AFG2A: variants seen among roughly 807,000 people sequenced by gnomAD.
AFG2A encodes the protein ATPase family gene 2 protein homolog A.
the AFG2A span, among the ~76,000 whole-genome samples, chr4:122,955,188 C>T: frequency 6.6e-6 from 1 of 152,186 alleles, no homozygotes; most frequent in Non-Finnish European, 1.5e-5. Context: ...GACAGGAGAA[C>T]CTCAACTGCT....
chr4:123,207,610 C>T, the AFG2A span, among the ~76,000 whole-genome samples: 1 of 152,102 alleles, frequency 6.6e-6, no homozygotes, highest in Admixed American at 6.5e-5. Context: ...AGCCACCACG[C>T]CTAGCCCAGT....
the AFG2A span, among the ~76,000 whole-genome samples, chr4:122,964,474 A>C: frequency 6.7e-6 from 1 of 149,944 alleles, no homozygotes; most frequent in Non-Finnish European, 1.5e-5. Flanking sequence ...ACTGCACTTC[A>C]GCCTGGGCAA....
the AFG2A span, among the ~76,000 whole-genome samples, chr4:122,978,882 G>A: frequency 6.6e-6 from 1 of 152,350 alleles, no homozygotes; most frequent in Admixed American, 6.5e-5. Flanking sequence ...GTTTTTCTGG[G>A]ACTGGGGAGA....
chr4:123,171,667 T>C, the AFG2A span, among the ~76,000 whole-genome samples: 2 of 152,166 alleles, frequency 1.3e-5, no homozygotes, highest in African/African-American at 4.8e-5. Context: ...GTAAGAAACA[T>C]TATGTCTTGT....
chr4:122,942,561 T>C, the AFG2A span, among the ~76,000 whole-genome samples: 3 of 152,342 alleles, frequency 2.0e-5, no homozygotes, highest in South Asian at 6.2e-4. Context: ...TCTATCAATT[T>C]TGTTCATCCT....
chr4:122,934,825 T>G, the AFG2A span: 6 of 1,455,846 alleles, frequency 4.1e-6, no homozygotes, highest in South Asian at 8.9e-5. Context: ...GCTCATCCTC[T>G]TTTCCTGTTT....
chr4:123,052,434 C>T, the AFG2A span, among the ~76,000 whole-genome samples: 1 of 152,202 alleles, frequency 6.6e-6, no homozygotes, highest in Non-Finnish European at 1.5e-5. Flanking sequence ...ATCTCTATCA[C>T]TTTAGGGTTG....
the AFG2A span, among the ~76,000 whole-genome samples, chr4:123,229,609 A>T: frequency 1.3e-5 from 2 of 152,044 alleles, no homozygotes. Context: ...CTTACATGGA[A>T]TATACAAAAT....
the AFG2A span, among the ~76,000 whole-genome samples, chr4:123,290,796 T>A: frequency 6.6e-6 from 1 of 152,148 alleles, no homozygotes; most frequent in Non-Finnish European, 1.5e-5. Context: ...CCCACCGGGT[T>A]CCTCCCACAA....
the AFG2A span, among the ~76,000 whole-genome samples, chr4:123,245,008 C>A: frequency 6.6e-6 from 1 of 152,154 alleles, no homozygotes; most frequent in East Asian, 1.9e-4. Flanking sequence ...ATGACAGTTT[C>A]TTTGTATAGA....
At chr4:123,149,845 G>A in the AFG2A span, among the ~76,000 whole-genome samples, 8 of 127,898 alleles carry the variant, frequency 6.3e-5, no homozygotes, top group Middle Eastern at 6.0e-3. Context: ...TCACTCTGTC[G>A]CCCAGTTTGG....
the AFG2A span, among the ~76,000 whole-genome samples, chr4:123,044,023 A>G: frequency 6.6e-6 from 1 of 152,176 alleles, no homozygotes; most frequent in Non-Finnish European, 1.5e-5. Context: ...CTTGGTAGCC[A>G]TTGCTTTGAT....
At chr4:123,153,288 C>A in the AFG2A span, among the ~76,000 whole-genome samples, 419 of 152,274 alleles carry the variant, frequency 2.8e-3, 1 homozygote, top group African/African-American at 9.9e-3. Context: ...ACATTTCAAG[C>A]CTTGGAAAGG....
the AFG2A span, chr4:123,314,373 T>G: frequency 5.7e-6 from 1 of 174,574 alleles, no homozygotes; most frequent in African/African-American, 2.4e-5. Context: ...AGAATCTGTT[T>G]GAGTGTCTTT....
chr4:122,973,997 A>G, the AFG2A span, among the ~76,000 whole-genome samples: 3 of 151,844 alleles, frequency 2.0e-5, no homozygotes, highest in Non-Finnish European at 2.9e-5. Flanking sequence ...CTATTTTTTA[A>G]CTTTTGAAAA....
chr4:123,314,454 G>A, the AFG2A span: 1 of 153,208 alleles, frequency 6.5e-6, no homozygotes, highest in Non-Finnish European at 1.5e-5. Flanking sequence ...TAAATTTTTT[G>A]TAATCTTTAG....
the AFG2A span, among the ~76,000 whole-genome samples, chr4:122,970,296 A>G: frequency 2.0e-5 from 3 of 152,250 alleles, no homozygotes; most frequent in South Asian, 6.2e-4. Context: ...GGTACTGAGT[A>G]TAGTAACATG....
the AFG2A span, among the ~76,000 whole-genome samples, chr4:123,017,221 G>T: frequency 7.3e-6 from 1 of 137,566 alleles, no homozygotes; most frequent in Admixed American, 7.0e-5. Context: ...GAGAGGGAGA[G>T]GGGGGAGAGG....
chr4:123,257,903 G>A, the AFG2A span, among the ~76,000 whole-genome samples: 1 of 152,158 alleles, frequency 6.6e-6, no homozygotes, highest in African/African-American at 2.4e-5. Flanking sequence ...GATTCTATCT[G>A]GCTAAAAGGA....
Sources: gnomAD v4.1 joint callset for allele counts (sites outside exome capture counted in the v4.1 genomes callset) on GRCh38, gnomAD v4.1.1 for gene constraint, MANE v1.5 for transcripts, NCBI Gene and HGNC (gene_info 2026-07-23, HGNC 2026-07-21) for gene names.